Variants in PDE1A observed in about 807,000 individuals in gnomAD.
The protein encoded by PDE1A is phosphodiesterase 1A.
PDE1A carries 35 observed loss-of-function variants against 61.7 expected under a neutral mutation model. That is an observed-to-expected ratio of 0.57 (90% confidence interval 0.43 to 0.75). The LOEUF is 0.75. Among genes scored for constraint, PDE1A ranks in the 30% least tolerant of loss-of-function variants. The pLI is 0.00. For missense variants in PDE1A, 597 were observed against 630.6 expected (o/e 0.95, Z 0.57); for synonymous variants, 232 against 213.2 (o/e 1.09, Z -0.77).
chr2:182,683,361 G>A, the PDE1A span, among the ~76,000 whole-genome samples: 1 of 152,044 alleles, frequency 6.6e-6, no homozygotes, highest in African/African-American at 2.4e-5. Flanking sequence ...ACAGGAGTGA[G>A]CCATCATGCC....
At chr2:182,173,716 C>A (rs1228916374) in intron 13 of PDE1A, among the ~76,000 whole-genome samples, 4 of 150,400 alleles carry the variant, frequency 2.7e-5, no homozygotes, top group Non-Finnish European at 5.9e-5. Flanking sequence ...ATTATTTGTC[C>A]CTTTTGAAAT....
chr2:182,170,518 T>C (rs569806513), intron 13 of PDE1A, among the ~76,000 whole-genome samples: 1 of 152,170 alleles, frequency 6.6e-6, no homozygotes, highest in East Asian at 1.9e-4. Flanking sequence ...TTCCTCTTTC[T>C]GTCTGTACTC....
intron 1 of PDE1A, among the ~76,000 whole-genome samples, chr2:182,267,494 T>C (rs1301276466): frequency 3.3e-5 from 5 of 151,452 alleles, no homozygotes; most frequent in African/African-American, 1.2e-4. Context: ...AAAGACTGGA[T>C]AGAAATGTAT....
chr2:182,335,207 G>C (rs1409831650), intron 1 of PDE1A, among the ~76,000 whole-genome samples: 2 of 152,040 alleles, frequency 1.3e-5, no homozygotes, highest in Non-Finnish European at 2.9e-5. Flanking sequence ...TAATTTATAA[G>C]TTCAATGCTA....
intron 13 of PDE1A, among the ~76,000 whole-genome samples, chr2:182,180,406 A>G (rs981971550): frequency 1.3e-5 from 2 of 152,086 alleles, no homozygotes; most frequent in Non-Finnish European, 2.9e-5. Flanking sequence ...AATATTGTAT[A>G]TTGCCCTCAC....
intron 1 of PDE1A, among the ~76,000 whole-genome samples, chr2:182,414,676 G>GA (rs939501708): frequency 2.0e-5 from 3 of 150,974 alleles, no homozygotes; most frequent in African/African-American, 7.3e-5. Flanking sequence ...TCTAAATGAA[G>GA]AAAAAAAAAG....
At chr2:182,522,477 C>T in intron 1 of PDE1A, 8 of 1,563,184 alleles carry the variant, frequency 5.1e-6, no homozygotes, top group Non-Finnish European at 6.9e-6. Context: ...AGTAGCCTCT[C>T]TTATCTATCA....
chr2:182,406,307 A>G (rs1702293459), intron 1 of PDE1A, among the ~76,000 whole-genome samples: 1 of 152,142 alleles, frequency 6.6e-6, no homozygotes, highest in South Asian at 2.1e-4. Context: ...TTTAGCATAA[A>G]CCTAACAGAG....
intron 13 of PDE1A, among the ~76,000 whole-genome samples, chr2:182,147,999 C>T (rs78343007): frequency 2.6e-5 from 4 of 152,250 alleles, no homozygotes; most frequent in Non-Finnish European, 5.9e-5. Context: ...AATTAGTGGA[C>T]ATACAGAATT....
At chr2:182,634,738 G>C in the PDE1A span, among the ~76,000 whole-genome samples, 2 of 151,908 alleles carry the variant, frequency 1.3e-5, no homozygotes, top group Admixed American at 6.6e-5. Context: ...GTCTACAAGA[G>C]GACTTGATGA....
chr2:182,414,228 T>C (rs558752306), intron 1 of PDE1A, among the ~76,000 whole-genome samples: 52 of 152,256 alleles, frequency 3.4e-4, no homozygotes, highest in South Asian at 1.0e-3. Flanking sequence ...GACTGAATTG[T>C]AACTAGATGG....
chr2:182,367,375 G>A (rs1467624178), intron 1 of PDE1A, among the ~76,000 whole-genome samples: 1 of 151,968 alleles, frequency 6.6e-6, no homozygotes, highest in African/African-American at 2.4e-5. Context: ...GATACACTCA[G>A]TAAATTTGCT....
At chr2:182,446,415 G>A (rs927230181) in intron 2 of PDE1A, among the ~76,000 whole-genome samples, 4 of 152,090 alleles carry the variant, frequency 2.6e-5, no homozygotes, top group African/African-American at 9.6e-5. Context: ...TCAGAGGATG[G>A]AGATAAATTT....
At chr2:182,284,977 T>C (rs1159823618) in intron 1 of PDE1A, among the ~76,000 whole-genome samples, 20 of 152,154 alleles carry the variant, frequency 1.3e-4, no homozygotes, top group Admixed American at 1.3e-3. Context: ...TAGTTAGCCA[T>C]GCACTTTTAA....
chr2:182,492,133 T>C (rs1688433513), intron 2 of PDE1A, among the ~76,000 whole-genome samples: 1 of 152,142 alleles, frequency 6.6e-6, no homozygotes, highest in African/African-American at 2.4e-5. Flanking sequence ...TCCCTTTAGA[T>C]TTGTGAATTT....
chr2:182,644,071 G>A, the PDE1A span, among the ~76,000 whole-genome samples: 2 of 146,310 alleles, frequency 1.4e-5, no homozygotes, highest in Non-Finnish European at 1.5e-5. Context: ...GCTCTTCATA[G>A]CCTAATTGTC....
chr2:182,420,587 TG>T (rs1703215834), intron 1 of PDE1A, among the ~76,000 whole-genome samples: 1 of 152,210 alleles, frequency 6.6e-6, no homozygotes, highest in Non-Finnish European at 1.5e-5. Context: ...TATAAGCAGC[TG>T]GTTAATACAT....
chr2:182,250,474 C>G (rs930099199), intron 2 of PDE1A, among the ~76,000 whole-genome samples: 1 of 152,134 alleles, frequency 6.6e-6, no homozygotes, highest in African/African-American at 2.4e-5. Context: ...TTCTTTCAGG[C>G]CACCACTGAA....
chr2:182,313,514 C>A (rs1696131854), intron 1 of PDE1A, among the ~76,000 whole-genome samples: 4 of 152,048 alleles, frequency 2.6e-5, no homozygotes, highest in Admixed American at 2.0e-4. Context: ...CTTTCTTTTT[C>A]TGGTATTGTT....
Sources: gnomAD v4.1 joint callset for allele counts (sites outside exome capture counted in the v4.1 genomes callset) on GRCh38, gnomAD v4.1.1 for gene constraint, MANE v1.5 for transcripts, NCBI Gene and HGNC (gene_info 2026-07-23, HGNC 2026-07-21) for gene names.